Variants in FREM1 observed in about 807,000 individuals in gnomAD.
FREM1 encodes the protein FRAS1 related extracellular matrix 1.
In FREM1, 220 loss-of-function variants were observed where a neutral mutation model predicts 210.1. The observed-to-expected ratio is 1.05, with a 90% CI of 0.94 to 1.17. The LOEUF (loss-of-function observed/expected upper bound fraction) is 1.17, where lower values mean the gene tolerates loss of function less well. Ranked by LOEUF, FREM1 falls within the 50% of genes most tolerant of loss-of-function variation. FREM1 has a pLI of 0.00. For missense variants in FREM1, 3,454 were observed against 2,675.5 expected (o/e 1.29, Z -6.42); for synonymous variants, 1,189 against 980.2 (o/e 1.21, Z -3.98).
Position 14,788,973 on chromosome 9 carries a change from T to G in FREM1, c.4123A>C (p.Asn1375His). The G allele has an allele frequency of 6.2e-7, 1 of 1,613,246 alleles. No individual in the cohort carries two copies. The highest frequency in any genetic ancestry group is 8.5e-7 in the Non-Finnish European group (1 of 1,179,630). The change falls in exon 23 of 37, where the codon AAC (asparagine) becomes CAC (histidine). Residue 1375 changes from asparagine (N) to histidine (H), a missense_variant. Coordinates refer to ENST00000380880, the MANE Select transcript of FREM1 (RefSeq NM_001379081.2). ...CAGTCAAGAGCAGGGGACCTGTTGT[T>G]GCCATCCCAAAGGTAGAAGGTGAAG... Reference protein sequence around the residue: ...DSFTFYLWDGNNRSPALDCQI... With the variant: ...DSFTFYLWDGHNRSPALDCQI...
chr9:14,883,495 T>C (rs1835193251), intron 1 of FREM1, among the ~76,000 whole-genome samples: 1 of 152,130 alleles, frequency 6.6e-6, no homozygotes, highest in African/African-American at 2.4e-5. Flanking sequence ...TATTTTTGGC[T>C]TCAAGAAGGT....
intron 36 of FREM1, among the ~76,000 whole-genome samples, chr9:14,738,058 T>C (rs548183608): frequency 6.6e-6 from 1 of 152,230 alleles, no homozygotes; most frequent in Non-Finnish European, 1.5e-5. Context: ...ATGTCCTGGT[T>C]TTCATATTTG....
In FREM1 at chr9:14,861,040, TATATACATATATACATATATACAC is replaced by T. The variant is rs1564104892; in HGVS notation, c.330-1580_330-1557del. Among the ~76,000 whole-genome samples, 524 of 74,736 alleles carry T rather than the reference TATATACATATATACATATATACAC, an allele frequency of 7.0e-3. 11 individuals carry two copies. The highest frequency in any genetic ancestry group is 0.034 in the African/African-American group (497 of 14,698). 49.0% of individuals were successfully genotyped at this position (74,736 alleles called of 152,430 possible). A position where few individuals can be genotyped will look rare whatever the true frequency, so the allele number is the denominator to read the frequency against. On this transcript the variant is annotated intron_variant, in intron 3 of 36. Transcript: ENST00000380880. ...ATATACACATATATACATATATACA[TATATACATATATACATATATACAC>T]ATATACATATATACATATATACACA...
chr9:14,815,073 G>C (rs115803952), intron 15 of FREM1, among the ~76,000 whole-genome samples: 1 of 152,202 alleles, frequency 6.6e-6, no homozygotes, highest in East Asian at 1.9e-4. Flanking sequence ...AGATCCCAAA[G>C]GCCATTATGA....
chr9:14,882,442 A>G (rs10961767), intron 1 of FREM1, among the ~76,000 whole-genome samples: 95 of 150,438 alleles, frequency 6.3e-4, no homozygotes, highest in African/African-American at 2.3e-3. Flanking sequence ...CCCGATTATT[A>G]TTTTTTTAAT....
chr9:14,832,765 C>G (rs1823813679), intron 10 of FREM1, among the ~76,000 whole-genome samples: 2 of 151,710 alleles, frequency 1.3e-5, no homozygotes. Flanking sequence ...CTGTGCAAAC[C>G]TGAAAAAGGG....
intron 5 of FREM1, among the ~76,000 whole-genome samples, chr9:14,853,959 A>G (rs1480072002): frequency 6.6e-6 from 1 of 152,210 alleles, no homozygotes; most frequent in Non-Finnish European, 1.5e-5. Context: ...GATACAAATG[A>G]TGAAAGAGCT....
chr9:14,759,646 T>C (rs2132253947), intron 28 of FREM1, 126 bp downstream of exon 28: 1 of 804,690 alleles, frequency 1.2e-6, no homozygotes, highest in Non-Finnish European at 1.9e-6. Context: ...ATCCTCAGAA[T>C]AGTGGGATCT....
intron 24 of FREM1, among the ~76,000 whole-genome samples, chr9:14,781,677 A>G (rs933707492): frequency 6.6e-6 from 1 of 152,072 alleles, no homozygotes; most frequent in Non-Finnish European, 1.5e-5. Context: ...CAGAATCTCA[A>G]TCTCTGGGAG....
intron 2 of FREM1, among the ~76,000 whole-genome samples, chr9:14,867,260 C>T (rs1831700782): frequency 6.6e-6 from 1 of 152,154 alleles, no homozygotes; most frequent in Admixed American, 6.6e-5. Flanking sequence ...CATTGGGGTT[C>T]TAGTATGAGC....
intron 20 of FREM1, among the ~76,000 whole-genome samples, chr9:14,797,978 C>T (rs906647448): frequency 3.5e-4 from 53 of 152,000 alleles, no homozygotes; most frequent in African/African-American, 1.2e-3. Context: ...GAGTTATATC[C>T]CTACCTCGAG....
intron 15 of FREM1, among the ~76,000 whole-genome samples, chr9:14,816,514 C>G (rs1001989377): frequency 6.6e-6 from 1 of 152,098 alleles, no homozygotes; most frequent in Non-Finnish European, 1.5e-5. Flanking sequence ...GGGCTCCACC[C>G]TCATGAATGG....
At chr9:14,772,784 A>G (rs1481634393) in intron 25 of FREM1, among the ~76,000 whole-genome samples, 1 of 152,210 alleles carries the variant, frequency 6.6e-6, no homozygotes, top group Non-Finnish European at 1.5e-5. Context: ...TTAGTGGAAG[A>G]AGAGGAAAAT....
chr9:14,820,476 G>A (rs1211788832), intron 13 of FREM1, among the ~76,000 whole-genome samples: 2 of 152,178 alleles, frequency 1.3e-5, no homozygotes, highest in African/African-American at 2.4e-5. Context: ...GTTCCCTGAA[G>A]AAAGAGCTGG....
rs752465141 is a variant in FREM1 at position 14,857,527 on chromosome 9, C to A, written c.828+26G>T. 9 of 1,575,854 alleles carry A rather than the reference C, an allele frequency of 5.7e-6. No homozygotes were observed. In the South Asian group the frequency reaches 8.9e-5, roughly 16 times the overall value. Reference sequence around the variant, plus strand: ...GCTCTCTTACTGTGAATCCTGGGGGCACCCACACATAACCCCAAACTCTAC... The same window carrying A: ...GCTCTCTTACTGTGAATCCTGGGGGAACCCACACATAACCCCAAACTCTAC... On this transcript the variant is annotated intron_variant, in intron 5 of 36. Transcript: ENST00000380880.
intron 16 of FREM1, among the ~76,000 whole-genome samples, chr9:14,810,998 C>G (rs891303712): frequency 6.6e-6 from 1 of 152,096 alleles, no homozygotes; most frequent in Non-Finnish European, 1.5e-5. Flanking sequence ...TAAATCAACA[C>G]GTAGAAGCAA....
chr9:14,795,973 T>A (rs1852297012), intron 21 of FREM1, among the ~76,000 whole-genome samples: 1 of 152,196 alleles, frequency 6.6e-6, no homozygotes, highest in Admixed American at 6.5e-5. Flanking sequence ...CTTCATATTT[T>A]CATATTTATA....
At chr9:14,835,563 G>A (rs1453392644) in intron 10 of FREM1, among the ~76,000 whole-genome samples, 1 of 152,172 alleles carries the variant, frequency 6.6e-6, no homozygotes, top group Non-Finnish European at 1.5e-5. Flanking sequence ...AGTGAAGAAT[G>A]TCACTTTCTA....
intron 27 of FREM1, among the ~76,000 whole-genome samples, chr9:14,769,019 T>C (rs1847024819): frequency 6.6e-6 from 1 of 152,168 alleles, no homozygotes. Context: ...GACCGACCTT[T>C]CTATGACTAT....
Sources: gnomAD v4.1 joint callset for allele counts (sites outside exome capture counted in the v4.1 genomes callset) on GRCh38, gnomAD v4.1.1 for gene constraint, MANE v1.5 for transcripts, NCBI Gene and HGNC (gene_info 2026-07-23, HGNC 2026-07-21) for gene names.